The following KANSL1 variants were observed in gnomAD, a reference collection of about 807,000 sequenced individuals.
KANSL1 encodes the protein KAT8 regulatory NSL complex subunit 1, also known as MLL1/MLL complex subunit KANSL1.
KANSL1 carries 22 observed loss-of-function variants against 103.6 expected under a neutral mutation model. The observed-to-expected ratio is 0.21, with a 90% CI of 0.15 to 0.30. The LOEUF (loss-of-function observed/expected upper bound fraction) is 0.30. Among genes scored for constraint, KANSL1 ranks in the 10% least tolerant of loss-of-function variants. The probability of loss-of-function intolerance (pLI) is 1.00; values close to 1 mark genes in which losing one functional copy is unlikely to be tolerated. For synonymous variants in KANSL1, 600 were observed against 527.6 expected (o/e 1.14, Z -1.88); for missense variants, 1,337 against 1,399.8 (o/e 0.96, Z 0.72).
chr17:46,209,776 G>A (rs1020461154), intron 1 of KANSL1, among the ~76,000 whole-genome samples: 2 of 152,196 alleles, frequency 1.3e-5, no homozygotes, highest in Admixed American at 6.5e-5. Flanking sequence ...TTTCAGGTGT[G>A]AGCCACCACG....
chr17:46,054,495 AAATC>A (rs1191624585), intron 6 of KANSL1, among the ~76,000 whole-genome samples: 1 of 152,206 alleles, frequency 6.6e-6, no homozygotes, highest in Non-Finnish European at 1.5e-5. Flanking sequence ...TCTTACTTCC[AAATC>A]AATCAACACA....
At chr17:46,144,675 A>G (rs1453490737) in intron 2 of KANSL1, among the ~76,000 whole-genome samples, 1 of 129,460 alleles carries the variant, frequency 7.7e-6, no homozygotes, top group South Asian at 3.3e-4. Flanking sequence ...GGGATACTAC[A>G]TAATAAAAAA....
intron 2 of KANSL1, among the ~76,000 whole-genome samples, chr17:46,162,875 T>C (rs2045816904): frequency 6.6e-6 from 1 of 152,396 alleles, no homozygotes; most frequent in Admixed American, 6.5e-5. Flanking sequence ...TACTTTGCTC[T>C]GTTCTTTGAG....
At chr17:46,152,058 T>C (rs1180118942) in intron 2 of KANSL1, among the ~76,000 whole-genome samples, 1 of 152,208 alleles carries the variant, frequency 6.6e-6, no homozygotes, top group Non-Finnish European at 1.5e-5. Context: ...ATAGCAAAAG[T>C]TGAGAACCAT....
chr17:46,077,077 G>T (rs2078803005), intron 4 of KANSL1, among the ~76,000 whole-genome samples: 1 of 152,200 alleles, frequency 6.6e-6, no homozygotes, highest in East Asian at 1.9e-4. Context: ...TTTGAGGCAG[G>T]GTCTCACCCC....
At chr17:46,136,248 A>G (rs1347482967) in intron 2 of KANSL1, among the ~76,000 whole-genome samples, 2 of 152,214 alleles carry the variant, frequency 1.3e-5, no homozygotes, top group African/African-American at 4.8e-5. Flanking sequence ...TAATCTATAC[A>G]TTCTTTAAAA....
At chr17:46,190,754 T>G (rs905247225) in intron 1 of KANSL1, among the ~76,000 whole-genome samples, 1 of 152,228 alleles carries the variant, frequency 6.6e-6, no homozygotes, top group Admixed American at 6.5e-5. Flanking sequence ...ACACCAAATA[T>G]GCTAAAGGTC....
At chr17:46,034,402 C>G (rs1385325816) in intron 10 of KANSL1, 117 bp from the exon 11 acceptor site, 1 of 1,132,142 alleles carries the variant, frequency 8.8e-7, no homozygotes, top group Non-Finnish European at 1.3e-6. Context: ...TGGGTTGAAG[C>G]TGAGTAATGA....
intron 2 of KANSL1, among the ~76,000 whole-genome samples, chr17:46,104,667 A>T (rs1330318796): frequency 1.3e-5 from 2 of 152,238 alleles, no homozygotes; most frequent in Non-Finnish European, 2.9e-5. Context: ...TTTATATTTT[A>T]AAAACACTTA....
chr17:46,158,413 C>T (rs367793289), intron 2 of KANSL1, among the ~76,000 whole-genome samples: 15 of 150,206 alleles, frequency 1.0e-4, no homozygotes, highest in African/African-American at 2.2e-4. Flanking sequence ...AGCTGGAGTG[C>T]GGTGGCACGA....
intron 2 of KANSL1, among the ~76,000 whole-genome samples, chr17:46,146,465 T>G (rs1464835558): frequency 6.6e-6 from 1 of 152,234 alleles, no homozygotes; most frequent in Non-Finnish European, 1.5e-5. Context: ...AAAAAAAATT[T>G]TTTTTGGACT....
At chr17:46,167,930 G>A (rs1291697222) in intron 2 of KANSL1, among the ~76,000 whole-genome samples, 1 of 152,222 alleles carries the variant, frequency 6.6e-6, no homozygotes, top group Admixed American at 6.5e-5. Context: ...TGTAATTTAA[G>A]CAACATCATT....
At chr17:46,164,264 T>C (rs888873700) in intron 2 of KANSL1, among the ~76,000 whole-genome samples, 5 of 152,250 alleles carry the variant, frequency 3.3e-5, no homozygotes, top group Non-Finnish European at 4.4e-5. Flanking sequence ...CTACGGTAAA[T>C]GGGTAACACC....
intron 2 of KANSL1, among the ~76,000 whole-genome samples, chr17:46,167,036 C>A (rs1245256997): frequency 9.7e-5 from 13 of 133,662 alleles, no homozygotes; most frequent in Admixed American, 3.0e-4. Flanking sequence ...ATTTCGGGGA[C>A]AGAGAGAAAA....
intron 2 of KANSL1, among the ~76,000 whole-genome samples, chr17:46,147,849 G>A (rs192983630): frequency 1.3e-5 from 2 of 152,266 alleles, no homozygotes; most frequent in East Asian, 3.9e-4. Context: ...TAGAATCACA[G>A]GCAAAACCCT....
intron 4 of KANSL1, among the ~76,000 whole-genome samples, chr17:46,072,919 A>T (rs1360358901): frequency 1.3e-5 from 2 of 152,236 alleles, no homozygotes; most frequent in African/African-American, 4.8e-5. Context: ...GAATTTAAAG[A>T]AATATAGCAA....
chr17:46,069,247 T>G (rs1284024664), intron 4 of KANSL1, among the ~76,000 whole-genome samples: 4 of 152,146 alleles, frequency 2.6e-5, no homozygotes, highest in Non-Finnish European at 1.5e-5. Flanking sequence ...ACACTTGAAC[T>G]GACTCTGGGG....
intron 1 of KANSL1, among the ~76,000 whole-genome samples, chr17:46,217,043 G>A (rs1445003438): frequency 2.0e-5 from 3 of 151,886 alleles, no homozygotes; most frequent in Non-Finnish European, 2.9e-5. Context: ...GGGGTTAGGG[G>A]GCTGGAGGTT....
At chr17:46,128,954 T>C (rs754728071) in intron 2 of KANSL1, among the ~76,000 whole-genome samples, 6 of 152,174 alleles carry the variant, frequency 3.9e-5, no homozygotes, top group Admixed American at 2.6e-4. Flanking sequence ...GCTGCGAAGG[T>C]TGTCCAGGCA....
Sources: allele counts gnomAD v4.1 joint callset (sites outside exome capture counted in the v4.1 genomes callset), GRCh38; gene constraint gnomAD v4.1.1; transcripts MANE v1.5; gene names NCBI Gene and HGNC (gene_info 2026-07-23, HGNC 2026-07-21).